Variants in HIP1 observed in about 807,000 individuals in gnomAD.
The protein encoded by HIP1 is huntingtin interacting protein 1, also known as huntingtin-interacting protein 1.
A neutral mutation model predicts 147.6 loss-of-function variants in HIP1; 65 were observed. That is an observed-to-expected ratio of 0.44 (90% CI 0.36 to 0.54). The LOEUF is 0.54. HIP1 is among the 20% of genes least tolerant of loss of function. The pLI is 0.00. For synonymous variants in HIP1, 479 were observed against 504.0 expected (o/e 0.95, Z 0.67); for missense variants, 1,061 against 1,299.6 (o/e 0.82, Z 2.82).
intron 1 of HIP1, among the ~76,000 whole-genome samples, chr7:75,642,555 C>G (rs1370557669): frequency 1.3e-5 from 2 of 151,918 alleles, no homozygotes; most frequent in Non-Finnish European, 2.9e-5. Context: ...AAAACAAAAC[C>G]CTTCTATGGT....
chr7:75,561,230 A>T, intron 13 of HIP1, 99 bp downstream of exon 13: 1 of 905,576 alleles, frequency 1.1e-6, no homozygotes, highest in Non-Finnish European at 1.9e-6. Flanking sequence ...CTAGGATTAC[A>T]GGTGTGAGCC....
rs587761034 is a variant in HIP1, at chr7:75,629,066, T to C, written c.121-29819A>G. 6.6e-5 allele frequency among the ~76,000 whole-genome samples: 10 copies of C among 152,318 alleles called. No homozygotes were observed. The South Asian group carries it at 2.1e-3, about 32-fold the overall frequency. Reference sequence around the variant, plus strand: ...AAAATCCAGCAAGAAAAAGTTATTTTAGGTCCCAGAATACGAGGCTGAACT... The same window carrying C: ...AAAATCCAGCAAGAAAAAGTTATTTCAGGTCCCAGAATACGAGGCTGAACT... On this transcript the variant is annotated intron_variant, in intron 1 of 30. Transcript: ENST00000336926.
Position 75,652,688 on chromosome 7 carries a change from GA to G in HIP1, c.121-53442del, listed in dbSNP as rs112957040. 7.5e-4 allele frequency among the ~76,000 whole-genome samples: 109 copies of G among 144,852 alleles called. 1 individual carries two copies. The highest frequency in any genetic ancestry group is 3.6e-3 in the East Asian group (18 of 5,014). On this transcript the variant is annotated intron_variant, in intron 1 of 30. Coordinates refer to ENST00000336926, the MANE Select transcript of HIP1 (RefSeq NM_005338.7). ...CCACATGTTAATTATTACTGTTAGT[GA>G]AAAAAAAAAACTCGTTTATAATGCT...
At chr7:75,690,388 G>A (rs1800409055) in intron 1 of HIP1, among the ~76,000 whole-genome samples, 1 of 152,036 alleles carries the variant, frequency 6.6e-6, no homozygotes, top group Admixed American at 6.6e-5. Flanking sequence ...TAGCTATAAG[G>A]GAAATGCAAA....
intron 4 of HIP1, among the ~76,000 whole-genome samples, chr7:75,591,138 T>G (rs997601743): frequency 6.6e-6 from 1 of 151,816 alleles, no homozygotes; most frequent in Non-Finnish European, 1.5e-5. Flanking sequence ...GTTCAAGCGA[T>G]TCTCCTGCCT....
intron 1 of HIP1, among the ~76,000 whole-genome samples, chr7:75,735,944 C>G (rs1554523584): frequency 6.6e-6 from 1 of 151,880 alleles, no homozygotes; most frequent in Non-Finnish European, 1.5e-5. Flanking sequence ...AGAGTTTCAA[C>G]ACCAGAGGCT....
intron 1 of HIP1, among the ~76,000 whole-genome samples, chr7:75,631,184 G>A (rs782715934): frequency 1.0e-3 from 156 of 151,472 alleles, no homozygotes; most frequent in Middle Eastern, 6.9e-3. Context: ...ATTTTTCCCA[G>A]GCTGGTCTTG....
chr7:75,714,534 C>T (rs1584972856), intron 1 of HIP1, among the ~76,000 whole-genome samples: 1 of 151,214 alleles, frequency 6.6e-6, no homozygotes, highest in East Asian at 2.0e-4. Flanking sequence ...CTCACTGCAA[C>T]CACTGCCTCC....
chr7:75,678,899 C>A (rs1554516451), intron 1 of HIP1, among the ~76,000 whole-genome samples: 1 of 152,152 alleles, frequency 6.6e-6, no homozygotes, highest in African/African-American at 2.4e-5. Flanking sequence ...TAAGTCAGTA[C>A]CTTGATAAGC....
Position 75,592,450 on chromosome 7 carries a change from C to T in HIP1, c.249G>A (p.Leu83=), listed in dbSNP as rs1796529251. ...AQTFWSVVNR[L]PLSSNAVLCW... ...AGAGCACTGCGTTGCTAGACAGAGG[C>T]AGGCGGTTGACAACAGACCAGAAGG... Residue 83 remains leucine, a synonymous_variant, in exon 3 of 31, where the codon CTG becomes CTA. Coordinates refer to ENST00000336926, the MANE Select transcript of HIP1 (RefSeq NM_005338.7). 6.2e-7 allele frequency: 1 copy of T among 1,612,646 alleles called. No individual in the cohort carries two copies. The highest frequency in any genetic ancestry group is 8.5e-7 in the Non-Finnish European group (1 of 1,179,728).
intron 30 of HIP1, among the ~76,000 whole-genome samples, 198 bp from the exon 31 acceptor site, chr7:75,538,422 A>G (rs1252251124): frequency 6.6e-6 from 1 of 152,058 alleles, no homozygotes; most frequent in Admixed American, 6.6e-5. Flanking sequence ...CAAGTCCACT[A>G]AGAGTGAACA....
intron 1 of HIP1, among the ~76,000 whole-genome samples, chr7:75,725,012 T>G (rs1324261312): frequency 6.6e-6 from 1 of 152,006 alleles, no homozygotes; most frequent in Middle Eastern, 3.2e-3. Flanking sequence ...TCTGACTCTG[T>G]GGGGGGAGTT....
chr7:75,732,945 G>C (rs1563319411), intron 1 of HIP1, among the ~76,000 whole-genome samples: 1 of 152,100 alleles, frequency 6.6e-6, no homozygotes. Flanking sequence ...TGGCCAGTCT[G>C]CCTCCCTGCT....
At chr7:75,621,123 C>T (rs1797832102) in intron 1 of HIP1, among the ~76,000 whole-genome samples, 1 of 152,138 alleles carries the variant, frequency 6.6e-6, no homozygotes, top group South Asian at 2.1e-4. Context: ...GGGAGGATGG[C>T]TTGAGCCCAG....
chr7:75,631,788 G>C (rs1330296626), intron 1 of HIP1, among the ~76,000 whole-genome samples: 6 of 152,114 alleles, frequency 3.9e-5, no homozygotes, highest in African/African-American at 1.4e-4. Flanking sequence ...TCCTGGGTTT[G>C]AACTGGGACC....
intron 1 of HIP1, among the ~76,000 whole-genome samples, chr7:75,715,084 A>G (rs1182066891): frequency 1.3e-5 from 2 of 152,140 alleles, no homozygotes; most frequent in Non-Finnish European, 2.9e-5. Context: ...GGGTATGCAC[A>G]TCGGGCAAGA....
intron 1 of HIP1, among the ~76,000 whole-genome samples, chr7:75,688,711 G>A (rs550955921): frequency 1.3e-5 from 2 of 152,258 alleles, no homozygotes; most frequent in African/African-American, 4.8e-5. Flanking sequence ...GCAGGTGGGA[G>A]GTTGTTTGCA....
chr7:75,541,362 CT>C (rs1356302566), intron 29 of HIP1, among the ~76,000 whole-genome samples: 1 of 152,046 alleles, frequency 6.6e-6, no homozygotes, highest in African/African-American at 2.4e-5. Context: ...AACCCTGTCT[CT>C]ACTAAAAATA....
At position 75,651,088 on chromosome 7, in the gene HIP1, C is replaced by T. The variant is rs1179603; in HGVS notation, c.121-51841G>A. Among the ~76,000 whole-genome samples, 1,156 of 152,006 alleles carry T rather than the reference C, an allele frequency of 7.6e-3. 17 individuals carry two copies. Among genetic ancestry groups the T allele is most frequent in the African/African-American group, 0.026 (1,093 of 41,460 alleles). On this transcript the variant is annotated intron_variant, in intron 1 of 30. Coordinates refer to ENST00000336926, the MANE Select transcript of HIP1 (RefSeq NM_005338.7). ...GAGCTCTGCAACCAAAGCCATTTAGCAAGAGACAGCTGCCCACACAGGAGG... is the reference window on the plus strand; with the variant it reads ...GAGCTCTGCAACCAAAGCCATTTAGTAAGAGACAGCTGCCCACACAGGAGG...
Sources: allele counts gnomAD v4.1 joint callset (sites outside exome capture counted in the v4.1 genomes callset), GRCh38; gene constraint gnomAD v4.1.1; transcripts MANE v1.5; gene names NCBI Gene and HGNC (gene_info 2026-07-23, HGNC 2026-07-21).